Variants in ELP4 observed in about 807,000 individuals in gnomAD.
ELP4 encodes the protein elongator complex protein 4.
A neutral mutation model predicts 48.9 loss-of-function variants in ELP4; 51 were observed. The observed-to-expected ratio is 1.04, with a 90% confidence interval of 0.83 to 1.32. ELP4 has a LOEUF of 1.32. ELP4 is among the 40% of genes most tolerant of loss of function. The pLI, the probability that ELP4 is intolerant of heterozygous loss-of-function variation, is 0.00. For missense variants in ELP4, 519 were observed against 514.6 expected, an observed-to-expected ratio of 1.01 and a Z score of -0.08; for synonymous variants, 210 against 189.2, an observed-to-expected ratio of 1.11 and a Z score of -0.90.
intron 9 of ELP4, among the ~76,000 whole-genome samples, chr11:31,749,045 T>C (rs1056605501): frequency 6.6e-6 from 1 of 152,172 alleles, no homozygotes; most frequent in Non-Finnish European, 1.5e-5. Flanking sequence ...GCCAGTTGCA[T>C]ATCTAGAAAC....
At chr11:31,761,291 T>C (rs1021565406) in intron 9 of ELP4, among the ~76,000 whole-genome samples, 13 of 151,862 alleles carry the variant, frequency 8.6e-5, no homozygotes, top group Admixed American at 7.2e-4. Flanking sequence ...TGAGCCATGA[T>C]TGCACGACTA....
chr11:31,714,523 A>G, intron 9 of ELP4: 2 of 397,148 alleles, frequency 5.0e-6, no homozygotes, highest in Non-Finnish European at 4.4e-6. Flanking sequence ...CACAATTCCA[A>G]ATTTGTGGAA....
At chr11:31,577,608 T>A (rs554439076) in intron 3 of ELP4, among the ~76,000 whole-genome samples, 59 of 152,160 alleles carry the variant, frequency 3.9e-4, no homozygotes, top group African/African-American at 1.4e-3. Context: ...GATCAAGTTG[T>A]CTTCATCCCT....
intron 9 of ELP4, among the ~76,000 whole-genome samples, chr11:31,678,693 A>G (rs142307255): frequency 4.7e-4 from 72 of 152,216 alleles, no homozygotes; most frequent in Non-Finnish European, 8.4e-4. Flanking sequence ...AGTTTTGGCA[A>G]TTATGAAGAA....
intron 9 of ELP4, among the ~76,000 whole-genome samples, chr11:31,687,256 T>A (rs541644394): frequency 6.6e-6 from 1 of 152,302 alleles, no homozygotes; most frequent in East Asian, 1.9e-4. Context: ...TCCAGAGATG[T>A]ATATTTGGGA....
intron 9 of ELP4, chr11:31,689,507 G>A (rs1333055696): frequency 6.6e-6 from 1 of 151,748 alleles, no homozygotes; most frequent in Non-Finnish European, 1.5e-5. Flanking sequence ...ACACTGGGCA[G>A]ATGTAGTGCA....
intron 9 of ELP4, among the ~76,000 whole-genome samples, chr11:31,750,477 G>A (rs567522272): frequency 1.3e-5 from 2 of 151,836 alleles, no homozygotes; most frequent in South Asian, 4.2e-4. Context: ...CTTTCCCTCA[G>A]GCTACCTGGG....
At chr11:31,726,103 G>A (rs1937822750) in intron 9 of ELP4, among the ~76,000 whole-genome samples, 1 of 152,182 alleles carries the variant, frequency 6.6e-6, no homozygotes, top group South Asian at 2.1e-4. Context: ...TGTAAACAGA[G>A]GTTGAGATCT....
Position 31,788,943 on chromosome 11 carries a change from A to C in ELP4, c.*5419A>C, listed in dbSNP as rs1948957319. The C allele has an allele frequency of 5.0e-6, 1 of 200,548 alleles. No homozygotes were observed. The highest frequency in any genetic ancestry group is 1.0e-5 in the Non-Finnish European group (1 of 97,030). 12.4% of individuals were successfully genotyped at this position (200,548 alleles called of 1,614,324 possible). On this transcript the variant is annotated 3_prime_UTR_variant, in exon 10 of 10. Transcript: ENST00000640961. Reference sequence around the variant, plus strand: ...AAAAGAAAACTGTATAATAAAGGAAATACAAAGGCTTTGGCATGGTTTTTT... The same window carrying C: ...AAAAGAAAACTGTATAATAAAGGAACTACAAAGGCTTTGGCATGGTTTTTT...
intron 9 of ELP4, among the ~76,000 whole-genome samples, chr11:31,694,395 C>G (rs1592229872): frequency 6.6e-6 from 1 of 152,122 alleles, no homozygotes; most frequent in Non-Finnish European, 1.5e-5. Context: ...AGCCAGTTTT[C>G]CTAGCACCAT....
At chr11:31,677,706 G>T (rs190031302) in intron 9 of ELP4, among the ~76,000 whole-genome samples, 1 of 152,252 alleles carries the variant, frequency 6.6e-6, no homozygotes, top group African/African-American at 2.4e-5. Flanking sequence ...ACTTTTTAAA[G>T]AGTTTTTAAA....
chr11:31,710,997 G>C (rs1946731349), intron 9 of ELP4, among the ~76,000 whole-genome samples: 1 of 152,116 alleles, frequency 6.6e-6, no homozygotes, highest in Admixed American at 6.5e-5. Context: ...AATGATTAGG[G>C]AAACAAGATA....
chr11:31,582,478 T>C (rs1957408001), intron 3 of ELP4, among the ~76,000 whole-genome samples: 1 of 152,182 alleles, frequency 6.6e-6, no homozygotes, highest in Admixed American at 6.6e-5. Context: ...TTTACCAAAT[T>C]ATTATTCTCT....
intron 3 of ELP4, among the ~76,000 whole-genome samples, chr11:31,577,925 G>A (rs1277627019): frequency 1.3e-5 from 2 of 152,186 alleles, no homozygotes; most frequent in Non-Finnish European, 2.9e-5. Flanking sequence ...ATTCAACATA[G>A]TGTTGGAAGT....
At chr11:31,713,786 A>G (rs1485422922) in intron 9 of ELP4, among the ~76,000 whole-genome samples, 1 of 152,194 alleles carries the variant, frequency 6.6e-6, no homozygotes, top group African/African-American at 2.4e-5. Context: ...TCAAACATAC[A>G]CAAAAGTAGA....
intron 9 of ELP4, among the ~76,000 whole-genome samples, chr11:31,765,772 T>C (rs1257682324): frequency 6.6e-6 from 1 of 152,100 alleles, no homozygotes; most frequent in Admixed American, 6.6e-5. Context: ...AGAGCATTAG[T>C]GATACCTCAT....
At chr11:31,663,547 G>A (rs1190741439) in intron 9 of ELP4, 1 of 151,936 alleles carries the variant, frequency 6.6e-6, no homozygotes, top group African/African-American at 2.4e-5. Flanking sequence ...TTGGGCGTAA[G>A]GATATATTGA....
chr11:31,512,435 C>G (rs559462877), intron 1 of ELP4: 1 of 152,050 alleles, frequency 6.6e-6, no homozygotes, highest in Non-Finnish European at 1.5e-5. Flanking sequence ...ATTACTTATT[C>G]CAAAGCATTT....
intron 3 of ELP4, among the ~76,000 whole-genome samples, chr11:31,555,052 A>G (rs1194741949): frequency 2.6e-5 from 4 of 152,204 alleles, no homozygotes; most frequent in African/African-American, 7.2e-5. Flanking sequence ...AAAGTAGTCA[A>G]AGCGCCTGTA....
Sources: allele counts gnomAD v4.1 joint callset (sites outside exome capture counted in the v4.1 genomes callset), GRCh38; gene constraint gnomAD v4.1.1; transcripts MANE v1.5; gene names NCBI Gene and HGNC (gene_info 2026-07-23, HGNC 2026-07-21).